The following SLC24A2 variants were observed in gnomAD, a reference collection of about 807,000 sequenced individuals.
SLC24A2 encodes the protein sodium/potassium/calcium exchanger 2.
A neutral mutation model predicts 62.0 loss-of-function variants in SLC24A2; 36 were observed. That is an observed-to-expected ratio of 0.58 (90% CI 0.44 to 0.77). The LOEUF is 0.77. Among genes scored for constraint, SLC24A2 ranks in the 30% least tolerant of loss-of-function variants. SLC24A2 has a pLI of 0.00. For synonymous variants in SLC24A2, 358 were observed against 294.0 expected (o/e 1.22, Z -2.23); for missense variants, 846 against 817.9 (o/e 1.03, Z -0.42).
intron 2 of SLC24A2, among the ~76,000 whole-genome samples, chr9:19,683,877 C>T (rs1359023602): frequency 6.6e-6 from 1 of 152,072 alleles, no homozygotes; most frequent in African/African-American, 2.4e-5. Context: ...CTCCACACCT[C>T]TTTTTGTTTC....
At chr9:20,141,284 C>T in the SLC24A2 span, among the ~76,000 whole-genome samples, 1 of 152,082 alleles carries the variant, frequency 6.6e-6, no homozygotes, top group African/African-American at 2.4e-5. Context: ...TCAGCAGCTT[C>T]CCCGGCCTAC....
intron 2 of SLC24A2, among the ~76,000 whole-genome samples, chr9:19,736,618 C>G (rs1286690942): frequency 6.6e-6 from 1 of 152,054 alleles, no homozygotes; most frequent in African/African-American, 2.4e-5. Context: ...GTGGGGAGAT[C>G]ACTTGAGGCC....
intron 9 of SLC24A2, 29 bp from the exon 10 acceptor site, chr9:19,521,089 C>T (rs1833175659): frequency 1.2e-6 from 2 of 1,609,688 alleles, no homozygotes; most frequent in East Asian, 2.2e-5. Flanking sequence ...ATAAACATCT[C>T]AGTGTTTGAA....
At chr9:19,901,098 C>T in the SLC24A2 span, among the ~76,000 whole-genome samples, 1 of 152,146 alleles carries the variant, frequency 6.6e-6, no homozygotes, top group African/African-American at 2.4e-5. Context: ...GTCGTGCAGG[C>T]AACAAACATT....
the SLC24A2 span, among the ~76,000 whole-genome samples, chr9:20,239,755 G>C: frequency 6.6e-6 from 1 of 152,156 alleles, no homozygotes; most frequent in Admixed American, 6.5e-5. Flanking sequence ...AATAATATTT[G>C]TGAGAAAACT....
chr9:20,306,023 G>T, the SLC24A2 span, among the ~76,000 whole-genome samples: 2 of 152,112 alleles, frequency 1.3e-5, no homozygotes, highest in Non-Finnish European at 2.9e-5. Context: ...CTACTCCAAT[G>T]ACTTCGGTTT....
chr9:20,118,235 A>G, the SLC24A2 span, among the ~76,000 whole-genome samples: 1 of 152,162 alleles, frequency 6.6e-6, no homozygotes, highest in African/African-American at 2.4e-5. Context: ...GAACTACACA[A>G]TAAGACCCAA....
chr9:19,891,463 G>A, the SLC24A2 span, among the ~76,000 whole-genome samples: 1 of 152,242 alleles, frequency 6.6e-6, no homozygotes, highest in Non-Finnish European at 1.5e-5. Flanking sequence ...CATGGCACCA[G>A]CATCTGCTTC....
chr9:19,865,914 C>T, the SLC24A2 span, among the ~76,000 whole-genome samples: 5 of 152,052 alleles, frequency 3.3e-5, no homozygotes, highest in African/African-American at 1.2e-4. Context: ...AAGAGACAAC[C>T]CACAGAATGG....
At chr9:19,816,371 A>G in the SLC24A2 span, among the ~76,000 whole-genome samples, 1 of 152,088 alleles carries the variant, frequency 6.6e-6, no homozygotes. Context: ...CTCCAAACAC[A>G]TTCTGATGGT....
chr9:20,211,559 G>A, the SLC24A2 span, among the ~76,000 whole-genome samples: 1 of 152,156 alleles, frequency 6.6e-6, no homozygotes, highest in Non-Finnish European at 1.5e-5. Flanking sequence ...GCAAAACTTA[G>A]AGACTTGGAG....
chr9:20,057,927 A>C, the SLC24A2 span, among the ~76,000 whole-genome samples: 1 of 152,142 alleles, frequency 6.6e-6, no homozygotes, highest in Non-Finnish European at 1.5e-5. Flanking sequence ...TCAGTAGGCT[A>C]TCAAAACTAT....
the SLC24A2 span, among the ~76,000 whole-genome samples, chr9:19,818,631 A>T: frequency 6.6e-6 from 1 of 152,066 alleles, no homozygotes; most frequent in Admixed American, 6.6e-5. Flanking sequence ...TTAGAAATAT[A>T]CCTAACCAAG....
At position 19,551,690 on chromosome 9, in the gene SLC24A2, C is replaced by G. The variant is rs532424958; in HGVS notation, c.1348-1422G>C. Reference sequence around the variant, plus strand: ...CAGTAACAGCGCCCCCCTCCAGCACCTGTGTCCCTACAGAGGTGGCATGAG... The same window carrying G: ...CAGTAACAGCGCCCCCCTCCAGCACGTGTGTCCCTACAGAGGTGGCATGAG... On this transcript the variant is annotated intron_variant, in intron 7 of 10. Coordinates refer to ENST00000341998, the MANE Select transcript of SLC24A2 (RefSeq NM_020344.4). 3.3e-5 allele frequency among the ~76,000 whole-genome samples: 5 copies of G among 152,306 alleles called. No homozygotes were observed. In the South Asian group the frequency reaches 1.0e-3, roughly 32 times the overall value.
chr9:19,961,071 GAGAGAAGAAAGGAGAA>G, the SLC24A2 span, among the ~76,000 whole-genome samples: 2 of 149,442 alleles, frequency 1.3e-5, no homozygotes, highest in Admixed American at 6.7e-5. Context: ...AAAGGAGAAA[GAGAGAAGAAAGGAGAA>G]AGAGAAGAAA....
At chr9:20,246,520 G>A in the SLC24A2 span, among the ~76,000 whole-genome samples, 12 of 152,326 alleles carry the variant, frequency 7.9e-5, no homozygotes, top group African/African-American at 2.6e-4. Flanking sequence ...CAGCATGTGT[G>A]TTGGGCTTAG....
chr9:19,875,730 C>T, the SLC24A2 span, among the ~76,000 whole-genome samples: 1 of 152,180 alleles, frequency 6.6e-6, no homozygotes, highest in South Asian at 2.1e-4. Flanking sequence ...TGGTTGCATC[C>T]AGTTGCATAT....
the SLC24A2 span, among the ~76,000 whole-genome samples, chr9:20,305,614 G>C: frequency 6.6e-6 from 1 of 152,186 alleles, no homozygotes; most frequent in Non-Finnish European, 1.5e-5. Context: ...TCAGTATCTA[G>C]AGTCTAGCAG....
intron 3 of SLC24A2, among the ~76,000 whole-genome samples, chr9:19,620,704 A>G (rs1817888381): frequency 6.6e-6 from 1 of 152,216 alleles, no homozygotes; most frequent in Non-Finnish European, 1.5e-5. Context: ...GATCATCACA[A>G]GAGAAGACTC....
Sources: allele counts gnomAD v4.1 joint callset (sites outside exome capture counted in the v4.1 genomes callset), GRCh38; gene constraint gnomAD v4.1.1; transcripts MANE v1.5; gene names NCBI Gene and HGNC (gene_info 2026-07-23, HGNC 2026-07-21).